Variants in OSBPL10 observed in about 807,000 individuals in gnomAD.
OSBPL10 encodes oxysterol binding protein like 10.
A neutral mutation model predicts 81.7 loss-of-function variants in OSBPL10; 49 were observed. That is an observed-to-expected ratio of 0.60 (90% CI 0.48 to 0.76). The LOEUF (loss-of-function observed/expected upper bound fraction) is 0.76. Among genes scored for constraint, OSBPL10 ranks in the 30% least tolerant of loss-of-function variants. The pLI is 0.00. For synonymous variants in OSBPL10, 419 were observed against 383.6 expected (o/e 1.09, Z -1.08); for missense variants, 923 against 987.8 (o/e 0.93, Z 0.88).
chr3:31,701,301 T>C (rs564067466), intron 7 of OSBPL10, among the ~76,000 whole-genome samples: 1 of 152,306 alleles, frequency 6.6e-6, no homozygotes, highest in Admixed American at 6.5e-5. Context: ...GGCTGTGCCT[T>C]CAGTGGCTCT....
intron 7 of OSBPL10, among the ~76,000 whole-genome samples, chr3:31,693,170 AC>A (rs1695606745): frequency 1.3e-5 from 2 of 152,112 alleles, no homozygotes; most frequent in Admixed American, 6.5e-5. Context: ...GAGACCAGAG[AC>A]CCCTGAGGTC....
At position 31,812,811 on chromosome 3, in the gene OSBPL10, A is replaced by AAAGAAAGAAAGAAAGAAAGAAAGAAAGG. The variant is rs1559476528; in HGVS notation, c.729+17228_729+17229insCCTTTCTTTCTTTCTTTCTTTCTTTCTT. ...GAAAGAAAGAAAGAAAGAAAGAAAG[A>AAAGAAAGAAAGAAAGAAAGAAAGAAAGG]AAGAAAGAGAAAGAAAGAAAGAAAG... is the stretch of plus-strand genomic sequence containing the variant. On this transcript the variant is annotated intron_variant, in intron 4 of 11. Transcript: ENST00000396556. 6.8e-5 allele frequency among the ~76,000 whole-genome samples: 4 copies of AAAGAAAGAAAGAAAGAAAGAAAGAAAGG among 59,110 alleles called. 1 individual carries two copies. In the East Asian group the frequency reaches 3.0e-3, roughly 45 times the overall value. The allele number at this position is 59,110 out of a possible 152,430, so 38.8% of individuals were successfully genotyped here. A position where few individuals can be genotyped will look rare whatever the true frequency, so the allele number is the denominator to read the frequency against.
intron 4 of OSBPL10, chr3:31,795,686 G>T (rs146512937): frequency 9.6e-6 from 2 of 208,696 alleles, no homozygotes; most frequent in Non-Finnish European, 2.1e-5. Context: ...CCTTATGAGC[G>T]CAGGAAATGA....
At chr3:31,806,155 TC>T (rs1482962131) in intron 4 of OSBPL10, among the ~76,000 whole-genome samples, 1 of 151,882 alleles carries the variant, frequency 6.6e-6, no homozygotes, top group African/African-American at 2.4e-5. Flanking sequence ...ACCACTTACC[TC>T]CCCTCCAAGA....
chr3:31,926,149 G>C (rs1697066560), intron 1 of OSBPL10, among the ~76,000 whole-genome samples: 2 of 152,050 alleles, frequency 1.3e-5, no homozygotes, highest in Non-Finnish European at 2.9e-5. Flanking sequence ...CTGTATACTT[G>C]GTTTTGCACT....
chr3:31,715,475 G>A (rs1696402971), intron 6 of OSBPL10, among the ~76,000 whole-genome samples: 1 of 152,124 alleles, frequency 6.6e-6, no homozygotes. Context: ...CTATGTGTAA[G>A]TTTTACTGGG....
At chr3:32,023,942 A>C (rs1699380392) in intron 2 of OSBPL10, among the ~76,000 whole-genome samples, 1 of 152,222 alleles carries the variant, frequency 6.6e-6, no homozygotes, top group African/African-American at 2.4e-5. Flanking sequence ...TATAATAAGA[A>C]TCTTAAACCG....
chr3:31,861,381 T>C (rs377345046), intron 3 of OSBPL10, among the ~76,000 whole-genome samples: 2 of 152,322 alleles, frequency 1.3e-5, no homozygotes, highest in African/African-American at 4.8e-5. Context: ...TAATGTCTAA[T>C]GCAATGTAAA....
chr3:31,857,845 G>GGA (rs1700963723), intron 3 of OSBPL10, among the ~76,000 whole-genome samples: 1 of 135,174 alleles, frequency 7.4e-6, no homozygotes, highest in African/African-American at 2.8e-5. Flanking sequence ...AGGGAAAGAG[G>GGA]GAGGGAAAGA....
chr3:31,914,990 A>G (rs1696709574), intron 1 of OSBPL10, among the ~76,000 whole-genome samples: 1 of 151,906 alleles, frequency 6.6e-6, no homozygotes, highest in Admixed American at 6.6e-5. Context: ...TTTGAGACAG[A>G]GTCTCACTCT....
At chr3:31,761,814 A>T (rs1228634254) in intron 4 of OSBPL10, among the ~76,000 whole-genome samples, 11 of 20,824 alleles carry the variant, frequency 5.3e-4, no homozygotes, top group Non-Finnish European at 1.4e-3. Context: ...GACTGTCTCT[A>T]AAAAAAAAAA....
At chr3:31,934,410 CTTTT>C (rs11456297) in intron 1 of OSBPL10, among the ~76,000 whole-genome samples, 1 of 141,730 alleles carries the variant, frequency 7.1e-6, no homozygotes, top group Admixed American at 7.0e-5. Flanking sequence ...AAAATTCATT[CTTTT>C]TTTTTTTTTT....
At chr3:31,933,324 G>A (rs1209806851) in intron 1 of OSBPL10, among the ~76,000 whole-genome samples, 1 of 152,122 alleles carries the variant, frequency 6.6e-6, no homozygotes, top group Non-Finnish European at 1.5e-5. Context: ...TTTGCTAAGG[G>A]CCACTTCAAC....
At chr3:31,667,528 G>A (rs1700222264) in intron 10 of OSBPL10, among the ~76,000 whole-genome samples, 1 of 152,050 alleles carries the variant, frequency 6.6e-6, no homozygotes, top group African/African-American at 2.4e-5. Context: ...TTTCTATTTG[G>A]TTACAAACTC....
At chr3:31,968,262 A>G (rs1038003121) in intron 1 of OSBPL10, among the ~76,000 whole-genome samples, 1 of 73,390 alleles carries the variant, frequency 1.4e-5, no homozygotes, top group African/African-American at 9.1e-5. Flanking sequence ...CATTTATAGA[A>G]AAAAAAATCG....
At chr3:31,804,446 C>T (rs967129511) in intron 4 of OSBPL10, among the ~76,000 whole-genome samples, 3 of 152,042 alleles carry the variant, frequency 2.0e-5, no homozygotes, top group African/African-American at 4.8e-5. Flanking sequence ...AGCAAATGAC[C>T]CAGCCTCTAG....
At chr3:31,833,713 A>ACG (rs2125537325) in intron 3 of OSBPL10, among the ~76,000 whole-genome samples, 1 of 150,856 alleles carries the variant, frequency 6.6e-6, no homozygotes, top group Admixed American at 6.6e-5. Context: ...ACGCACACAC[A>ACG]CACACACACA....
chr3:31,828,163 G>A (rs781486297), intron 4 of OSBPL10, among the ~76,000 whole-genome samples: 4 of 152,130 alleles, frequency 2.6e-5, no homozygotes, highest in African/African-American at 4.8e-5. Context: ...TCTGCGATGA[G>A]GTCTACATAA....
At chr3:31,765,234 C>T (rs1403103183) in intron 4 of OSBPL10, among the ~76,000 whole-genome samples, 6 of 151,506 alleles carry the variant, frequency 4.0e-5, no homozygotes, top group Admixed American at 2.6e-4. Context: ...GACATGATTT[C>T]ACCACGTTAT....
Sources: allele counts gnomAD v4.1 joint callset (sites outside exome capture counted in the v4.1 genomes callset), GRCh38; gene constraint gnomAD v4.1.1; transcripts MANE v1.5; gene names NCBI Gene and HGNC (gene_info 2026-07-23, HGNC 2026-07-21).